The following SMARCAD1 variants were observed in gnomAD, a reference collection of about 807,000 sequenced individuals.
The protein encoded by SMARCAD1 is SNF2 related chromatin remodeling ATPase with DExD box 1, also known as SWI/SNF-related matrix-associated actin-dependent regulator of chromatin subfamily A containing DEAD/H box 1.
Under a neutral mutation model 127.1 loss-of-function variants are expected in SMARCAD1, and 25 were observed. The observed-to-expected ratio is 0.20, with a 90% CI of 0.14 to 0.27. The LOEUF (loss-of-function observed/expected upper bound fraction) is 0.27, where lower values mean the gene tolerates loss of function less well. Among genes scored for constraint, SMARCAD1 ranks in the 10% least tolerant of loss-of-function variants. The pLI, the probability that SMARCAD1 is intolerant of heterozygous loss-of-function variation, is 1.00. For missense variants in SMARCAD1, 807 were observed against 1,206.0 expected (o/e 0.67, Z 4.90); for synonymous variants, 400 against 396.9 (o/e 1.01, Z -0.09).
intron 6 of SMARCAD1, among the ~76,000 whole-genome samples, chr4:94,245,081 T>G (rs374759242): frequency 6.6e-6 from 1 of 152,242 alleles, no homozygotes; most frequent in East Asian, 1.9e-4. Context: ...AAATTGCCTT[T>G]GACTTGATTC....
chr4:94,232,667 C>T (rs1208747201), intron 3 of SMARCAD1, among the ~76,000 whole-genome samples: 1 of 152,114 alleles, frequency 6.6e-6, no homozygotes, highest in Non-Finnish European at 1.5e-5. Context: ...GAAATACGTA[C>T]ACTGGCTAGG....
intron 5 of SMARCAD1, among the ~76,000 whole-genome samples, chr4:94,237,324 A>G (rs1746816846): frequency 1.3e-5 from 2 of 152,094 alleles, no homozygotes; most frequent in African/African-American, 4.8e-5. Context: ...CTTAGTAGGA[A>G]CATAATGTCT....
At chr4:94,233,019 T>A (rs1746088565) in intron 3 of SMARCAD1, among the ~76,000 whole-genome samples, 1 of 152,136 alleles carries the variant, frequency 6.6e-6, no homozygotes, top group South Asian at 2.1e-4. Flanking sequence ...CTTTGGAAAT[T>A]TGCTTTTAGA....
intron 6 of SMARCAD1, among the ~76,000 whole-genome samples, chr4:94,246,042 G>A (rs542019940): frequency 3.3e-5 from 5 of 152,064 alleles, no homozygotes; most frequent in South Asian, 2.1e-4. Flanking sequence ...CCCAAGTGGC[G>A]GAGTACCTTG....
intron 6 of SMARCAD1, among the ~76,000 whole-genome samples, chr4:94,247,497 T>C (rs1748621198): frequency 6.6e-6 from 1 of 152,216 alleles, no homozygotes; most frequent in Non-Finnish European, 1.5e-5. Context: ...GTTTACTGTT[T>C]TCCAGATATT....
intron 2 of SMARCAD1, 40 bp downstream of exon 2, chr4:94,208,624 G>C (rs762703091): frequency 6.4e-7 from 1 of 1,572,074 alleles, no homozygotes; most frequent in Non-Finnish European, 8.8e-7. Context: ...ATCAAGGACA[G>C]TTTTTAAAAG....
intron 2 of SMARCAD1, among the ~76,000 whole-genome samples, chr4:94,209,440 G>A (rs1243725745): frequency 1.3e-5 from 2 of 152,172 alleles, no homozygotes; most frequent in African/African-American, 4.8e-5. Flanking sequence ...CTTAGGAAAG[G>A]TGAAAGGAAT....
At chr4:94,260,567 C>T (rs1750814954) in intron 9 of SMARCAD1, among the ~76,000 whole-genome samples, 1 of 151,964 alleles carries the variant, frequency 6.6e-6, no homozygotes, top group African/African-American at 2.4e-5. Flanking sequence ...ACTCCTGGGG[C>T]CTCAAGTGAT....
At chr4:94,215,944 A>G (rs1417981504) in intron 2 of SMARCAD1, among the ~76,000 whole-genome samples, 2 of 152,172 alleles carry the variant, frequency 1.3e-5, no homozygotes, top group African/African-American at 2.4e-5. Flanking sequence ...AGTATATCTT[A>G]AATTCCACGT....
chr4:94,214,453 G>T (rs1483661842), intron 2 of SMARCAD1, among the ~76,000 whole-genome samples: 2 of 151,168 alleles, frequency 1.3e-5, no homozygotes, highest in East Asian at 2.0e-4. Flanking sequence ...ATTTTTAGTA[G>T]AGACCCGGTT....
chr4:94,277,222 T>C, intron 16 of SMARCAD1, 63 bp downstream of exon 16: 1 of 1,577,612 alleles, frequency 6.3e-7, no homozygotes, highest in Non-Finnish European at 8.7e-7. Context: ...GCCATTCTTC[T>C]GTTAGGTCTC....
Position 94,223,805 on chromosome 4 carries a change from A to G in SMARCAD1, c.191-2314A>G, listed in dbSNP as rs532007924. 6.3e-5 allele frequency among the ~76,000 whole-genome samples: 9 copies of G among 143,744 alleles called. No individual in the cohort carries two copies. The South Asian group carries it at 2.0e-3, about 32-fold the overall frequency. 94.3% of individuals were successfully genotyped at this position (143,744 alleles called of 152,430 possible). ...ACCACCTTGGCTGGGCTGATGTCGA[A>G]CTCCTGACCTTGTGATCCGCCCACC... On this transcript the variant is annotated intron_variant, in intron 2 of 23. Coordinates refer to ENST00000354268, the MANE Select transcript of SMARCAD1 (RefSeq NM_020159.5).
chr4:94,237,902 A>T (rs1302608169), intron 5 of SMARCAD1, among the ~76,000 whole-genome samples: 8 of 152,174 alleles, frequency 5.3e-5, no homozygotes, highest in African/African-American at 1.9e-4. Flanking sequence ...TGTTCAAGCA[A>T]AGTGTATGCA....
chr4:94,238,078 TC>T (rs1746983266), intron 5 of SMARCAD1, among the ~76,000 whole-genome samples: 1 of 152,162 alleles, frequency 6.6e-6, no homozygotes. Context: ...AACGATGTGT[TC>T]CCATGGACCC....
In SMARCAD1 at chr4:94,270,822, A is replaced by G; in HGVS notation, c.1572+4A>G. On this transcript the variant is annotated splice_donor_region_variant and intron_variant, in intron 11 of 23. Transcript: ENST00000354268. ...TGGCATTTTGGCAGATGAAATGGTA[A>G]GTGTACTTTATTTCTAAGATTTGTT... The G allele has an allele frequency of 1.2e-6, 2 of 1,610,096 alleles. No individual in the cohort carries two copies. Among genetic ancestry groups the G allele is most frequent in the South Asian group, 1.1e-5 (1 of 91,018 alleles).
intron 22 of SMARCAD1, 122 bp from the exon 23 acceptor site, chr4:94,284,833 TAAAAG>T: frequency 1.5e-6 from 1 of 657,270 alleles, no homozygotes; most frequent in South Asian, 2.0e-5. Context: ...GTGGCTTAAA[TAAAAG>T]AATTTAAGGA....
chr4:94,223,040 CAAAG>C (rs1262661417), intron 2 of SMARCAD1, among the ~76,000 whole-genome samples: 7 of 152,006 alleles, frequency 4.6e-5, no homozygotes, highest in Admixed American at 4.6e-4. Context: ...GGGAGAAAAA[CAAAG>C]AAAAGGTCAA....
chr4:94,286,679 G>T (rs1754983315), intron 23 of SMARCAD1, among the ~76,000 whole-genome samples: 1 of 152,066 alleles, frequency 6.6e-6, no homozygotes, highest in African/African-American at 2.4e-5. Context: ...ATGGGTGATG[G>T]GAACAGAGGT....
At chr4:94,270,967 TAG>T (rs1263988755) in intron 11 of SMARCAD1, 149 bp downstream of exon 11, 17 of 673,714 alleles carry the variant, frequency 2.5e-5, no homozygotes, top group East Asian at 1.4e-4. Flanking sequence ...TTGTTTTTGA[TAG>T]AGTTAGTTCT....
Sources: allele counts gnomAD v4.1 joint callset (sites outside exome capture counted in the v4.1 genomes callset), GRCh38; gene constraint gnomAD v4.1.1; transcripts MANE v1.5; gene names NCBI Gene and HGNC (gene_info 2026-07-23, HGNC 2026-07-21).